KCNQ5: variants seen among roughly 807,000 people sequenced by gnomAD.
KCNQ5 encodes the protein potassium voltage-gated channel subfamily KQT member 5.
KCNQ5 carries 30 observed loss-of-function variants against 98.2 expected under a neutral mutation model. The ratio of observed to expected loss-of-function variants is 0.31; its 90% CI spans 0.23 to 0.41. The LOEUF (loss-of-function observed/expected upper bound fraction) is 0.41, where lower values mean the gene tolerates loss of function less well. KCNQ5 is among the 10% of genes least tolerant of loss of function. The pLI is 1.00. For missense variants in KCNQ5, 835 were observed against 1,182.5 expected (o/e 0.71, Z 4.31); for synonymous variants, 458 against 449.4 (o/e 1.02, Z -0.24).
chr6:72,785,293 G>A (rs911112221), intron 1 of KCNQ5, among the ~76,000 whole-genome samples: 2 of 152,170 alleles, frequency 1.3e-5, no homozygotes, highest in Non-Finnish European at 2.9e-5. Flanking sequence ...AGCAAAGGTT[G>A]AAGACACCAT....
At chr6:73,037,926 T>G (rs1019982374) in intron 2 of KCNQ5, among the ~76,000 whole-genome samples, 8 of 152,140 alleles carry the variant, frequency 5.3e-5, no homozygotes, top group African/African-American at 1.9e-4. Flanking sequence ...TTGCTGAGAT[T>G]TTGACAGGAA....
chr6:73,024,872 A>G (rs956409513), intron 2 of KCNQ5, among the ~76,000 whole-genome samples: 1 of 152,218 alleles, frequency 6.6e-6, no homozygotes, highest in Admixed American at 6.5e-5. Flanking sequence ...TAGTCATCCC[A>G]CTGCCCACCT....
intron 1 of KCNQ5, among the ~76,000 whole-genome samples, chr6:72,834,236 G>T (rs1171125931): frequency 6.6e-6 from 1 of 152,044 alleles, no homozygotes; most frequent in Non-Finnish European, 1.5e-5. Context: ...AGAAAAAAAA[G>T]ACTTTCATTA....
intron 7 of KCNQ5, among the ~76,000 whole-genome samples, chr6:73,116,301 A>G (rs985443505): frequency 4.6e-5 from 7 of 152,186 alleles, no homozygotes; most frequent in Non-Finnish European, 1.0e-4. Flanking sequence ...ATCGTTCAGG[A>G]TAGGAAGTTA....
chr6:72,915,093 G>T (rs1250435951), intron 1 of KCNQ5, among the ~76,000 whole-genome samples: 1 of 152,102 alleles, frequency 6.6e-6, no homozygotes. Flanking sequence ...ACAGATTGAA[G>T]TTATTTAGTC....
chr6:72,986,058 G>A (rs1232286296), intron 1 of KCNQ5, among the ~76,000 whole-genome samples: 2 of 152,014 alleles, frequency 1.3e-5, no homozygotes, highest in African/African-American at 4.8e-5. Flanking sequence ...GTGAAAGCCC[G>A]TCTCTACTAA....
chr6:72,896,702 C>T (rs1467197170), intron 1 of KCNQ5, among the ~76,000 whole-genome samples: 1 of 152,140 alleles, frequency 6.6e-6, no homozygotes, highest in East Asian at 1.9e-4. Flanking sequence ...TTATGGTCAA[C>T]AGAGGTTTAG....
chr6:73,177,425 C>T (rs920151572), intron 11 of KCNQ5, among the ~76,000 whole-genome samples: 2 of 152,316 alleles, frequency 1.3e-5, no homozygotes, highest in Middle Eastern at 6.8e-3. Context: ...AATCAGGCCT[C>T]ACTGTTACCC....
At chr6:72,761,948 A>G (rs766407459) in intron 1 of KCNQ5, among the ~76,000 whole-genome samples, 2 of 152,066 alleles carry the variant, frequency 1.3e-5, no homozygotes, top group Non-Finnish European at 2.9e-5. Flanking sequence ...TGGTGCTGAA[A>G]GGATCTGGTT....
intron 1 of KCNQ5, among the ~76,000 whole-genome samples, chr6:72,729,797 T>C (rs1272145062): frequency 6.7e-6 from 1 of 149,250 alleles, no homozygotes; most frequent in Non-Finnish European, 1.5e-5. Flanking sequence ...AGTTTTTGCA[T>C]TTTTCTAAAC....
intron 1 of KCNQ5, among the ~76,000 whole-genome samples, chr6:72,937,563 T>G (rs1054314198): frequency 6.6e-6 from 1 of 152,212 alleles, no homozygotes; most frequent in African/African-American, 2.4e-5. Flanking sequence ...TTTTAATAAT[T>G]CTTTCCTATA....
chr6:73,000,933 A>T (rs1183199735), intron 1 of KCNQ5, among the ~76,000 whole-genome samples: 3 of 152,206 alleles, frequency 2.0e-5, no homozygotes, highest in African/African-American at 7.2e-5. Flanking sequence ...ACTTAGCTCC[A>T]GACTCCCAAT....
At chr6:73,148,625 G>A (rs1267872449) in intron 10 of KCNQ5, among the ~76,000 whole-genome samples, 1 of 152,152 alleles carries the variant, frequency 6.6e-6, no homozygotes, top group Non-Finnish European at 1.5e-5. Flanking sequence ...CCTGCCATAG[G>A]TATAATCAAC....
chr6:72,838,905 C>G (rs993534766), intron 1 of KCNQ5, among the ~76,000 whole-genome samples: 365 of 140,482 alleles, frequency 2.6e-3, no homozygotes, highest in African/African-American at 8.7e-3. Flanking sequence ...AGCCGAGATC[C>G]CGCCACTGCA....
At chr6:73,111,967 A>G (rs942972961) in intron 7 of KCNQ5, among the ~76,000 whole-genome samples, 1 of 152,222 alleles carries the variant, frequency 6.6e-6, no homozygotes, top group Non-Finnish European at 1.5e-5. Context: ...AACAATAAGT[A>G]TATAATTTGA....
intron 1 of KCNQ5, among the ~76,000 whole-genome samples, chr6:72,940,959 C>A (rs1018685169): frequency 4.0e-5 from 6 of 151,834 alleles, no homozygotes; most frequent in African/African-American, 1.5e-4. Flanking sequence ...AAACTTAAGT[C>A]ATAAAGAAAA....
At chr6:72,810,052 C>T (rs1243236515) in intron 1 of KCNQ5, among the ~76,000 whole-genome samples, 3 of 152,196 alleles carry the variant, frequency 2.0e-5, no homozygotes, top group Admixed American at 6.5e-5. Context: ...TCATTATGTA[C>T]TATGGGTAGT....
intron 1 of KCNQ5, among the ~76,000 whole-genome samples, chr6:72,728,520 C>T (rs1770398992): frequency 6.6e-6 from 1 of 152,072 alleles, no homozygotes; most frequent in South Asian, 2.1e-4. Context: ...ATCCTGTGAA[C>T]AATCCATTCA....
chr6:72,692,240 A>G (rs112094298), intron 1 of KCNQ5, among the ~76,000 whole-genome samples: 2,023 of 152,334 alleles, frequency 0.013, 33 homozygotes, highest in African/African-American at 0.042. Context: ...AAAATCAAGT[A>G]ATTACAGATG....
Sources: allele counts gnomAD v4.1 joint callset (sites outside exome capture counted in the v4.1 genomes callset), GRCh38; gene constraint gnomAD v4.1.1; transcripts MANE v1.5; gene names NCBI Gene and HGNC (gene_info 2026-07-23, HGNC 2026-07-21).